CSNK1E: variants seen among roughly 807,000 people sequenced by gnomAD.
CSNK1E encodes casein kinase 1 epsilon, also known as casein kinase I isoform epsilon.
Under a neutral mutation model 46.1 loss-of-function variants are expected in CSNK1E, and 17 were observed. That is an observed-to-expected ratio of 0.37 (90% CI 0.25 to 0.55). The LOEUF (loss-of-function observed/expected upper bound fraction) is 0.55, where lower values mean the gene tolerates loss of function less well. CSNK1E is among the 20% of genes least tolerant of loss of function. The pLI is 0.82. For synonymous variants in CSNK1E, 241 were observed against 242.6 expected (o/e 0.99, Z 0.06); for missense variants, 386 against 595.4 (o/e 0.65, Z 3.66).
chr22:38,310,210 A>G (rs2092715009), intron 2 of CSNK1E, among the ~76,000 whole-genome samples: 1 of 152,210 alleles, frequency 6.6e-6, no homozygotes, highest in Non-Finnish European at 1.5e-5. Context: ...CCTAGAAGCT[A>G]GAACTGCCCG....
chr22:38,303,864 G>A lies in CSNK1E; in HGVS notation c.77-616C>T, dbSNP rs2092686486. On this transcript the variant is annotated intron_variant, in intron 2 of 10. Coordinates refer to ENST00000396832, the MANE Select transcript of CSNK1E (RefSeq NM_152221.3). The surrounding 1 kb of genome is among the most constrained non-coding windows in gnomAD (Gnocchi z 4.7). ...CAAGGTCACCTGACCTGTAAATGGC[G>A]GCCTTGAGATCAACCCCGGCTCTGC... is the stretch of plus-strand genomic sequence containing the variant. 6.6e-6 allele frequency among the ~76,000 whole-genome samples: 1 copy of A among 152,114 alleles called. No homozygotes were observed. The highest frequency in any genetic ancestry group is 1.5e-5 in the Non-Finnish European group (1 of 68,022).
intron 6 of CSNK1E, 94 bp downstream of exon 6, chr22:38,299,801 C>T: frequency 1.4e-6 from 2 of 1,453,478 alleles, no homozygotes; most frequent in Non-Finnish European, 1.9e-6. Context: ...AACCACCGCG[C>T]CTAGCCCCAG....
At position 38,291,501 on chromosome 22, in the gene CSNK1E, G is replaced by GT. The variant is rs2092610561; in HGVS notation, c.*469dup. 6.6e-6 allele frequency: 1 copy of GT among 152,378 alleles called. No individual in the cohort carries two copies. Among genetic ancestry groups the GT allele is most frequent in the Non-Finnish European group, 1.5e-5 (1 of 68,182 alleles). 9.4% of individuals were successfully genotyped at this position (152,378 alleles called of 1,614,324 possible). A position where few individuals can be genotyped will look rare whatever the true frequency, so the allele number is the denominator to read the frequency against. ...CATCTCAGAGTGGGTGGGGCTGTGCGTATCTCCTGGATTCTGAGGCTCGGA... is the reference window on the plus strand; with the variant it reads ...CATCTCAGAGTGGGTGGGGCTGTGCGTTATCTCCTGGATTCTGAGGCTCGGA... On this transcript the variant is annotated 3_prime_UTR_variant, in exon 11 of 11. Transcript: ENST00000396832.
Position 38,294,867 on chromosome 22 carries a change from G to A in CSNK1E, c.886-333C>T, listed in dbSNP as rs2092631563. ...TCTTGGCCCTCCTGACCTGGGGCTGGGCCTGCCCTGGCCCCCCTCTGTGTA... is the reference window on the plus strand; with the variant it reads ...TCTTGGCCCTCCTGACCTGGGGCTGAGCCTGCCCTGGCCCCCCTCTGTGTA... On this transcript the variant is annotated intron_variant, in intron 7 of 10. Transcript: ENST00000396832. This position sits in a 1 kb window ranked among gnomAD's most constrained non-coding sequence, Gnocchi z 5.5. Among the ~76,000 whole-genome samples, 2 of 152,132 alleles carry A rather than the reference G, an allele frequency of 1.3e-5. No homozygotes were observed. The highest frequency in any genetic ancestry group is 4.8e-5 in the African/African-American group (2 of 41,426).
At chr22:38,307,657 C>T (rs79615280) in intron 2 of CSNK1E, among the ~76,000 whole-genome samples, 2,646 of 152,276 alleles carry the variant, frequency 0.017, 85 homozygotes, top group African/African-American at 0.062. Context: ...GAGGGGGATC[C>T]TGGAACCTAT....
intron 4 of CSNK1E, 114 bp from the exon 5 acceptor site, chr22:38,301,066 G>A (rs527968182): frequency 2.8e-4 from 226 of 820,474 alleles, no homozygotes; most frequent in African/African-American, 1.6e-3. Context: ...GCCTGCCTTC[G>A]ACCATGAAGG....
In CSNK1E at chr22:38,293,820, G is replaced by A. The variant is rs1452874761; in HGVS notation, c.1218+289C>T. The stretch of plus-strand genomic sequence containing the variant: ...GGGAGCAGCAACACCTCATCTCTGA[G>A]CCCCTGCTGCCCACCCTGGCTGGGC... On this transcript the variant is annotated intron_variant, in intron 9 of 10. Transcript: ENST00000396832. 15 of 498,596 alleles carry A rather than the reference G, an allele frequency of 3.0e-5. No individual in the cohort carries two copies. In the East Asian group the frequency reaches 4.5e-4, roughly 15 times the overall value. 30.9% of individuals were successfully genotyped at this position (498,596 alleles called of 1,614,324 possible). A position where few individuals can be genotyped will look rare whatever the true frequency, so the allele number is the denominator to read the frequency against.
At chr22:38,301,376 CAA>C (rs905001314) in intron 4 of CSNK1E, among the ~76,000 whole-genome samples, 3 of 151,996 alleles carry the variant, frequency 2.0e-5, no homozygotes, top group African/African-American at 7.2e-5. Context: ...AGGCAGAACA[CAA>C]AAGACAGGGC....
Position 38,302,975 on chromosome 22 carries a change from C to T in CSNK1E, c.222G>A (p.Glu74=), listed in dbSNP as rs751444384. The T allele has an allele frequency of 6.2e-7, 1 of 1,614,116 alleles. No homozygotes were observed. The highest frequency in any genetic ancestry group is 8.5e-7 in the Non-Finnish European group (1 of 1,180,022). The change falls in exon 4 of 11, where the codon GAG becomes GAA. Residue 74 remains glutamate, a synonymous_variant. Coordinates refer to ENST00000396832, the MANE Select transcript of CSNK1E (RefSeq NM_152221.3). ...GIPSIKWCGA[E]GDYNVMVMEL... ...CCATGACCATCACGTTGTAGTCGCC[C>T]TCAGCTCCGCACCACTTGATGGACG...
chr22:38,296,708 C>T (rs1422525848), intron 7 of CSNK1E: 2 of 1,608,550 alleles, frequency 1.2e-6, no homozygotes, highest in Admixed American at 3.4e-5. Flanking sequence ...AGAGATCTTG[C>T]TGGCTAGACA....
intron 4 of CSNK1E, 84 bp from the exon 5 acceptor site, chr22:38,301,036 G>A: frequency 1.7e-6 from 2 of 1,189,216 alleles, no homozygotes; most frequent in Non-Finnish European, 1.2e-6. Flanking sequence ...CCACAGAGGT[G>A]GAAAGGCAGA....
intron 7 of CSNK1E, chr22:38,295,413 G>A: frequency 1.0e-6 from 1 of 985,344 alleles, no homozygotes; most frequent in Non-Finnish European, 1.2e-6. Context: ...CCGTCCACAG[G>A]GAAGGGCAGG....
Position 38,290,804 on chromosome 22 carries a change from T to C in CSNK1E, c.*1167A>G, listed in dbSNP as rs573873476. 1 of 151,874 alleles carries C rather than the reference T, an allele frequency of 6.6e-6. No individual in the cohort carries two copies. The highest frequency in any genetic ancestry group is 1.5e-5 in the Non-Finnish European group (1 of 67,910). The allele number at this position is 151,874 out of a possible 1,614,324, so 9.4% of individuals were successfully genotyped here. A position where few individuals can be genotyped will look rare whatever the true frequency, so the allele number is the denominator to read the frequency against. On this transcript the variant is annotated 3_prime_UTR_variant, in exon 11 of 11. Coordinates refer to ENST00000396832, the MANE Select transcript of CSNK1E (RefSeq NM_152221.3). ...AAATTCCCCCCAAAGTTCTTCAGTT[T>C]TTTTTTTTTCAGTTTTTTAAATTAC...
Position 38,298,144 on chromosome 22 carries a change from G to A in CSNK1E, c.885+642C>T. ...CAGCACAGGGACAGGGGCGGGGACA[G>A]AAAGGTCCCTTCGCTGTCATGGGGC... On this transcript the variant is annotated intron_variant, in intron 7 of 10. Coordinates refer to ENST00000396832, the MANE Select transcript of CSNK1E (RefSeq NM_152221.3). The surrounding 1 kb of genome is among the most constrained non-coding windows in gnomAD (Gnocchi z 4.2). The A allele has an allele frequency of 7.7e-7, 1 of 1,298,262 alleles. No homozygotes were observed. The highest frequency in any genetic ancestry group is 1.0e-6 in the Non-Finnish European group (1 of 985,650). 80.4% of individuals were successfully genotyped at this position (1,298,262 alleles called of 1,614,324 possible).
intron 1 of CSNK1E, 109 bp from the exon 2 acceptor site, chr22:38,314,278 G>A (rs1331104097): frequency 2.6e-5 from 20 of 770,030 alleles, no homozygotes; most frequent in Non-Finnish European, 3.3e-5. Flanking sequence ...CTGCATTCTC[G>A]AAGACCACAT....
chr22:38,299,804 A>G, intron 6 of CSNK1E, 91 bp downstream of exon 6: 1 of 1,461,802 alleles, frequency 6.8e-7, no homozygotes, highest in Non-Finnish European at 9.3e-7. Context: ...CACCGCGCCT[A>G]GCCCCAGCGT....
intron 2 of CSNK1E, among the ~76,000 whole-genome samples, chr22:38,307,500 G>A (rs1410228371): frequency 2.6e-5 from 4 of 151,266 alleles, no homozygotes; most frequent in Non-Finnish European, 5.9e-5. Context: ...GCAGTGAGCC[G>A]AGATCACACA....
chr22:38,302,080 T>A (rs576323261), intron 4 of CSNK1E, among the ~76,000 whole-genome samples: 1 of 152,220 alleles, frequency 6.6e-6, no homozygotes, highest in East Asian at 1.9e-4. Context: ...CCTAATCCCC[T>A]CAACAACCAA....
chr22:38,294,747 G>GGAGTCTGGGGGCAGAGGGAGGT lies in CSNK1E; in HGVS notation c.886-235_886-214dup, dbSNP rs2092630938. 6.6e-6 allele frequency among the ~76,000 whole-genome samples: 1 copy of GGAGTCTGGGGGCAGAGGGAGGT among 152,182 alleles called. No individual in the cohort carries two copies. Among genetic ancestry groups the GGAGTCTGGGGGCAGAGGGAGGT allele is most frequent in the Non-Finnish European group, 1.5e-5 (1 of 68,034 alleles). ...CAACCACCAGAGGAAGGAGAAAGCA[G>GGAGTCTGGGGGCAGAGGGAGGT]GAGTCTGGGGGCAGAGGGAGGTCAG... On this transcript the variant is annotated intron_variant, in intron 7 of 10. Coordinates refer to ENST00000396832, the MANE Select transcript of CSNK1E (RefSeq NM_152221.3). The surrounding 1 kb of genome is among the most constrained non-coding windows in gnomAD (Gnocchi z 5.5).
Sources: allele counts gnomAD v4.1 joint callset (sites outside exome capture counted in the v4.1 genomes callset), GRCh38; gene constraint gnomAD v4.1.1; non-coding constraint Gnocchi (gnomAD v3.1); transcripts MANE v1.5; gene names NCBI Gene and HGNC (gene_info 2026-07-23, HGNC 2026-07-21).